PPM1E: variants seen among roughly 807,000 people sequenced by gnomAD.
PPM1E encodes protein phosphatase, Mg2+/Mn2+ dependent 1E.
In PPM1E, 20 loss-of-function variants were observed where a neutral mutation model predicts 65.9. That is an observed-to-expected ratio of 0.30 (90% confidence interval 0.21 to 0.44). PPM1E has a LOEUF of 0.44. PPM1E is among the 20% of genes least tolerant of loss of function. PPM1E has a pLI of 1.00. For synonymous variants in PPM1E, 352 were observed against 374.9 expected (o/e 0.94, Z 0.70); for missense variants, 713 against 953.1 (o/e 0.75, Z 3.32).
chr17:58,936,185 A>G (rs1280894813), intron 1 of PPM1E, among the ~76,000 whole-genome samples: 2 of 152,170 alleles, frequency 1.3e-5, no homozygotes, highest in Non-Finnish European at 2.9e-5. Context: ...AAGAAAGAAA[A>G]TAGCTTAAAT....
chr17:58,873,761 ATT>A (rs1205169911), intron 1 of PPM1E, among the ~76,000 whole-genome samples: 7 of 136,732 alleles, frequency 5.1e-5, no homozygotes, highest in African/African-American at 2.7e-5. Flanking sequence ...TGCCCAGCTA[ATT>A]TTTTTTTTTT....
chr17:58,867,921 T>C (rs970335292), intron 1 of PPM1E, among the ~76,000 whole-genome samples: 1 of 152,182 alleles, frequency 6.6e-6, no homozygotes, highest in Non-Finnish European at 1.5e-5. Flanking sequence ...ATTGATATGC[T>C]GTTATAGGAG....
At chr17:58,861,938 CATAA>C (rs2050947139) in intron 1 of PPM1E, among the ~76,000 whole-genome samples, 1 of 151,596 alleles carries the variant, frequency 6.6e-6, no homozygotes, top group Non-Finnish European at 1.5e-5. Flanking sequence ...AAAAAAAATA[CATAA>C]ATAAATAAAA....
chr17:58,907,485 A>G (rs2051573359), intron 1 of PPM1E, among the ~76,000 whole-genome samples: 1 of 152,176 alleles, frequency 6.6e-6, no homozygotes, highest in African/African-American at 2.4e-5. Flanking sequence ...AGTAGTCTGT[A>G]GATGTAAATT....
intron 1 of PPM1E, among the ~76,000 whole-genome samples, chr17:58,908,734 C>T (rs11652761): frequency 0.38 from 57,263 of 151,930 alleles, 11,023 homozygotes; most frequent in Middle Eastern, 0.51. Flanking sequence ...GCCACCGTGC[C>T]GAGCCACTTT....
At chr17:58,936,473 A>G (rs2051982387) in intron 1 of PPM1E, among the ~76,000 whole-genome samples, 1 of 152,206 alleles carries the variant, frequency 6.6e-6, no homozygotes, top group Non-Finnish European at 1.5e-5. Flanking sequence ...CCCACCTTCA[A>G]GAATTTTTAT....
At chr17:58,893,978 G>T (rs2051380048) in intron 1 of PPM1E, among the ~76,000 whole-genome samples, 1 of 152,006 alleles carries the variant, frequency 6.6e-6, no homozygotes, top group Admixed American at 6.6e-5. Flanking sequence ...GGAGGCTGAA[G>T]TGGTAGGATC....
chr17:58,850,707 A>G (rs1360365824), intron 1 of PPM1E, among the ~76,000 whole-genome samples: 3 of 152,130 alleles, frequency 2.0e-5, no homozygotes, highest in African/African-American at 7.2e-5. Context: ...GCTGCCCTTA[A>G]CATTTTTTCC....
At chr17:58,810,896 C>CA (rs2050360120) in intron 1 of PPM1E, among the ~76,000 whole-genome samples, 1 of 152,096 alleles carries the variant, frequency 6.6e-6, no homozygotes, top group East Asian at 1.9e-4. Flanking sequence ...CTTACTCTCT[C>CA]ACCCAGGCTG....
intron 3 of PPM1E, among the ~76,000 whole-genome samples, chr17:58,968,380 A>G (rs2030390922): frequency 1.3e-5 from 2 of 152,180 alleles, no homozygotes; most frequent in South Asian, 4.1e-4. Context: ...ATCTGTGATC[A>G]TGCCACTGTA....
At chr17:58,888,319 A>G (rs1252908948) in intron 1 of PPM1E, among the ~76,000 whole-genome samples, 1 of 147,232 alleles carries the variant, frequency 6.8e-6, no homozygotes, top group Non-Finnish European at 1.5e-5. Context: ...TTTTCCTTGC[A>G]TTATGGAATA....
At chr17:58,870,852 T>C (rs987827930) in intron 1 of PPM1E, among the ~76,000 whole-genome samples, 5 of 152,184 alleles carry the variant, frequency 3.3e-5, no homozygotes, top group Admixed American at 1.3e-4. Flanking sequence ...ACCCAGACTT[T>C]AGATTTTCCT....
At chr17:58,849,303 C>T (rs1474042807) in intron 1 of PPM1E, among the ~76,000 whole-genome samples, 1 of 152,028 alleles carries the variant, frequency 6.6e-6, no homozygotes, top group Admixed American at 6.6e-5. Flanking sequence ...TTATTTCTTG[C>T]CTTCTGCTAG....
intron 1 of PPM1E, among the ~76,000 whole-genome samples, chr17:58,810,432 C>T (rs1198634558): frequency 6.6e-6 from 1 of 151,960 alleles, no homozygotes; most frequent in Non-Finnish European, 1.5e-5. Flanking sequence ...GTCTCAATCT[C>T]CTGACCTTGT....
intron 1 of PPM1E, among the ~76,000 whole-genome samples, chr17:58,922,356 G>T (rs1409016932): frequency 6.6e-6 from 1 of 151,952 alleles, no homozygotes; most frequent in Non-Finnish European, 1.5e-5. Flanking sequence ...GGGCTCAAGG[G>T]ATCCTCCCAC....
At chr17:58,976,702 A>C (rs1290877696) in intron 6 of PPM1E, among the ~76,000 whole-genome samples, 1 of 152,188 alleles carries the variant, frequency 6.6e-6, no homozygotes, top group Non-Finnish European at 1.5e-5. Context: ...TTGGGGGCGA[A>C]ATGTCATGAA....
chr17:58,893,294 C>T (rs1035311506), intron 1 of PPM1E, among the ~76,000 whole-genome samples: 2 of 152,144 alleles, frequency 1.3e-5, no homozygotes, highest in African/African-American at 2.4e-5. Flanking sequence ...AATGAGTCAT[C>T]GAGCCATGAA....
chr17:58,902,264 T>G (rs1335906510), intron 1 of PPM1E, among the ~76,000 whole-genome samples: 2 of 152,170 alleles, frequency 1.3e-5, no homozygotes, highest in Non-Finnish European at 2.9e-5. Context: ...TAAGAATTTT[T>G]TTCAATCTTA....
chr17:58,785,520 T>C (rs1411102644), intron 1 of PPM1E: 1 of 139,926 alleles, frequency 7.1e-6, no homozygotes, highest in Non-Finnish European at 1.5e-5. Context: ...ATGTTGCCCA[T>C]GCTGGTCTTG....
Sources: gnomAD v4.1 joint callset for allele counts (sites outside exome capture counted in the v4.1 genomes callset) on GRCh38, gnomAD v4.1.1 for gene constraint, MANE v1.5 for transcripts, NCBI Gene and HGNC (gene_info 2026-07-23, HGNC 2026-07-21) for gene names.